HS3ST4: variants seen among roughly 807,000 people sequenced by gnomAD.
HS3ST4 encodes heparan sulfate-glucosamine 3-sulfotransferase 4.
HS3ST4 carries 17 observed loss-of-function variants against 29.2 expected under a neutral mutation model. The ratio of observed to expected loss-of-function variants is 0.58; its 90% CI spans 0.40 to 0.87. The LOEUF (loss-of-function observed/expected upper bound fraction) is 0.87. HS3ST4 is among the 40% of genes least tolerant of loss of function. The pLI, the probability that HS3ST4 is intolerant of heterozygous loss-of-function variation, is 0.00. For missense variants in HS3ST4, 627 were observed against 634.5 expected (o/e 0.99, Z 0.13); for synonymous variants, 314 against 285.7 (o/e 1.10, Z -1.00).
intron 1 of HS3ST4, among the ~76,000 whole-genome samples, chr16:25,783,509 C>G (rs950283741): frequency 1.3e-5 from 2 of 150,560 alleles, no homozygotes; most frequent in African/African-American, 4.9e-5. Flanking sequence ...ATGACAATTT[C>G]CTGCATTCCA....
chr16:26,038,746 C>T lies in HS3ST4; in HGVS notation c.735-96866C>T, dbSNP rs561289391. Among the ~76,000 whole-genome samples the T allele has an allele frequency of 3.6e-4, 55 of 152,066 alleles. No homozygotes were observed. In the South Asian group the frequency reaches 9.9e-3, roughly 27 times the overall value. On this transcript the variant is annotated intron_variant, in intron 1 of 1. Coordinates refer to ENST00000331351, the MANE Select transcript of HS3ST4 (RefSeq NM_006040.3). ...TTGTCCAGGCTGGAGTGCAGTGGTG[C>T]GATCTCGGCTCACTGCAAGCTCCGC...
intron 1 of HS3ST4, among the ~76,000 whole-genome samples, chr16:25,865,800 G>A (rs1967688046): frequency 6.6e-6 from 1 of 152,044 alleles, no homozygotes; most frequent in South Asian, 2.1e-4. Context: ...ACCCTTAGCT[G>A]ACACCATAGG....
At chr16:25,947,565 A>T (rs1968640988) in intron 1 of HS3ST4, among the ~76,000 whole-genome samples, 1 of 152,150 alleles carries the variant, frequency 6.6e-6, no homozygotes, top group South Asian at 2.1e-4. Context: ...TTTAATGCAA[A>T]ATCACAAGTA....
intron 1 of HS3ST4, among the ~76,000 whole-genome samples, chr16:25,854,235 C>T (rs536499522): frequency 9.2e-5 from 14 of 152,070 alleles, no homozygotes; most frequent in African/African-American, 2.2e-4. Context: ...GTAGCTGGGA[C>T]GACAGGCACT....
At chr16:25,730,609 C>T (rs1738682990) in intron 1 of HS3ST4, among the ~76,000 whole-genome samples, 1 of 132,110 alleles carries the variant, frequency 7.6e-6, no homozygotes, top group African/African-American at 2.9e-5. Flanking sequence ...TCCTTCTTTC[C>T]TTCTCTTTTC....
chr16:25,843,331 A>T (rs1596588277), intron 1 of HS3ST4, among the ~76,000 whole-genome samples: 1 of 152,122 alleles, frequency 6.6e-6, no homozygotes, highest in African/African-American at 2.4e-5. Flanking sequence ...TGGGATTCTT[A>T]CAGCATGATG....
At chr16:26,005,613 G>T (rs1052105003) in intron 1 of HS3ST4, among the ~76,000 whole-genome samples, 1 of 151,658 alleles carries the variant, frequency 6.6e-6, no homozygotes, top group Non-Finnish European at 1.5e-5. Flanking sequence ...GCATTAGTAA[G>T]AATTAGCCAG....
intron 1 of HS3ST4, among the ~76,000 whole-genome samples, chr16:25,835,489 G>T (rs532852300): frequency 1.1e-4 from 8 of 73,200 alleles, no homozygotes; most frequent in African/African-American, 3.0e-4. Context: ...GTTGACAGAT[G>T]ATGAAAAAAA....
chr16:25,970,912 G>A (rs990058019), intron 1 of HS3ST4, among the ~76,000 whole-genome samples: 13 of 151,856 alleles, frequency 8.6e-5, no homozygotes, highest in African/African-American at 1.5e-4. Context: ...GTGCAATGGC[G>A]TGATCTCGGC....
chr16:25,837,565 C>T lies in HS3ST4; in HGVS notation c.734+144414C>T, dbSNP rs534239849. On this transcript the variant is annotated intron_variant, in intron 1 of 1. Transcript: ENST00000331351. ...TAAGATGGGGAGAGCTCAGTGCCTA[C>T]CTATGGCTATCTATTTGATGGGATA... 3.3e-5 allele frequency among the ~76,000 whole-genome samples: 5 copies of T among 152,218 alleles called. No homozygotes were observed. In the East Asian group the frequency reaches 9.7e-4, roughly 29 times the overall value.
chr16:25,903,341 A>ATTATATATATGTATATGTATATC (rs1968140326), intron 1 of HS3ST4, among the ~76,000 whole-genome samples: 6 of 141,552 alleles, frequency 4.2e-5, no homozygotes, highest in East Asian at 2.0e-4. Flanking sequence ...ATATGTATAT[A>ATTATATATATGTATATGTATATC]TTATATATAT....
chr16:25,938,832 A>G (rs1968544226), intron 1 of HS3ST4, among the ~76,000 whole-genome samples: 1 of 152,034 alleles, frequency 6.6e-6, no homozygotes, highest in Non-Finnish European at 1.5e-5. Context: ...TATTTGTTTT[A>G]ATGGTGCTCT....
intron 1 of HS3ST4, among the ~76,000 whole-genome samples, chr16:25,931,908 C>T (rs1207278251): frequency 1.3e-5 from 2 of 151,220 alleles, no homozygotes. Flanking sequence ...CTCACTGCTT[C>T]CAAAAGGCAG....
At chr16:25,701,766 C>A (rs1170154044) in intron 1 of HS3ST4, among the ~76,000 whole-genome samples, 1 of 152,184 alleles carries the variant, frequency 6.6e-6, no homozygotes, top group Non-Finnish European at 1.5e-5. Context: ...TCTGAAAGAA[C>A]TCACAGAGTG....
chr16:26,027,315 T>C (rs1969486613), intron 1 of HS3ST4, among the ~76,000 whole-genome samples: 2 of 152,196 alleles, frequency 1.3e-5, no homozygotes, highest in Admixed American at 1.3e-4. Flanking sequence ...TCTGTGGTTC[T>C]CATTGGCCAG....
chr16:25,799,291 T>C (rs1173715430), intron 1 of HS3ST4, among the ~76,000 whole-genome samples: 1 of 152,204 alleles, frequency 6.6e-6, no homozygotes, highest in African/African-American at 2.4e-5. Context: ...TCAAAGGTTC[T>C]TTCTCTGCTG....
At chr16:25,999,897 T>TTTTA (rs1555477424) in intron 1 of HS3ST4, among the ~76,000 whole-genome samples, 4,251 of 131,826 alleles carry the variant, frequency 0.032, 267 homozygotes, top group African/African-American at 0.12. Flanking sequence ...TATATATATT[T>TTTTA]TATATATATA....
chr16:25,718,687 A>T (rs1456680799), intron 1 of HS3ST4, among the ~76,000 whole-genome samples: 1 of 152,200 alleles, frequency 6.6e-6, no homozygotes, highest in East Asian at 1.9e-4. Context: ...GCCTCCAAGA[A>T]TGTTGAGTTT....
chr16:25,763,526 T>C (rs1001199091), intron 1 of HS3ST4, among the ~76,000 whole-genome samples: 2 of 152,190 alleles, frequency 1.3e-5, no homozygotes, highest in African/African-American at 4.8e-5. Flanking sequence ...GGCACTGTGA[T>C]GGGTGCTGGG....
Sources: allele counts gnomAD v4.1 joint callset (sites outside exome capture counted in the v4.1 genomes callset), GRCh38; gene constraint gnomAD v4.1.1; transcripts MANE v1.5; gene names NCBI Gene and HGNC (gene_info 2026-07-23, HGNC 2026-07-21).